Variants in FAT4 observed in about 807,000 individuals in gnomAD.
The protein encoded by FAT4 is FAT atypical cadherin 4.
FAT4 carries 84 observed loss-of-function variants against 303.9 expected under a neutral mutation model. The ratio of observed to expected loss-of-function variants is 0.28; its 90% CI spans 0.23 to 0.33. The LOEUF is 0.33. Ranked by LOEUF, FAT4 falls within the 10% of genes least tolerant of loss-of-function variation. FAT4 has a pLI of 1.00. For missense variants in FAT4, 6,005 were observed against 6,146.8 expected, an observed-to-expected ratio of 0.98 and a Z score of 0.77; for synonymous variants, 2,307 against 2,298.8, an observed-to-expected ratio of 1.00 and a Z score of -0.10.
intron 4 of FAT4, among the ~76,000 whole-genome samples, chr4:125,407,737 T>C (rs1014906337): frequency 2.0e-5 from 3 of 152,142 alleles, no homozygotes; most frequent in African/African-American, 7.2e-5. Context: ...TTTGAACATA[T>C]TATATTGTGA....
chr4:125,372,917 C>G (rs1188899074), intron 2 of FAT4, among the ~76,000 whole-genome samples: 1 of 152,138 alleles, frequency 6.6e-6, no homozygotes, highest in Non-Finnish European at 1.5e-5. Context: ...TACTAACAGT[C>G]TATGCTCTCA....
chr4:125,429,607 A>G (rs992830435), intron 7 of FAT4, among the ~76,000 whole-genome samples: 5 of 152,208 alleles, frequency 3.3e-5, no homozygotes, highest in African/African-American at 1.2e-4. Context: ...TACTTTATGG[A>G]ATCTGTGCAT....
intron 11 of FAT4, among the ~76,000 whole-genome samples, chr4:125,464,719 C>G (rs1158033252): frequency 6.6e-6 from 1 of 151,984 alleles, no homozygotes; most frequent in Non-Finnish European, 1.5e-5. Flanking sequence ...TTCCTGTGTC[C>G]AAGTGTTCTC....
At chr4:125,455,635 TA>T (rs1726252518) in intron 10 of FAT4, among the ~76,000 whole-genome samples, 1 of 152,232 alleles carries the variant, frequency 6.6e-6, no homozygotes, top group African/African-American at 2.4e-5. Context: ...GTGTTCTAAC[TA>T]GTTTTTTACT....
At chr4:125,336,278 G>A (rs1443406479) in intron 2 of FAT4, among the ~76,000 whole-genome samples, 1 of 151,934 alleles carries the variant, frequency 6.6e-6, no homozygotes, top group Non-Finnish European at 1.5e-5. Flanking sequence ...AGCTAACAAA[G>A]GGAAGCAGAT....
At chr4:125,460,688 A>C (rs1383185971) in intron 10 of FAT4, among the ~76,000 whole-genome samples, 1 of 152,052 alleles carries the variant, frequency 6.6e-6, no homozygotes, top group South Asian at 2.1e-4. Flanking sequence ...TCTGTCATTT[A>C]TCAGCATTTA....
At chr4:125,351,275 A>G (rs1481950326) in intron 2 of FAT4, among the ~76,000 whole-genome samples, 1 of 151,838 alleles carries the variant, frequency 6.6e-6, no homozygotes, top group Non-Finnish European at 1.5e-5. Context: ...ATAAAACAAT[A>G]GAACAATTAC....
In FAT4 at chr4:125,477,279, A is replaced by G. The variant is rs1727061900; in HGVS notation, c.12424A>G (p.Asn4142Asp). The change falls in exon 14 of 18, where the codon AAT (asparagine) becomes GAT (aspartate). Residue 4142 changes from asparagine to aspartate, a missense_variant. Asn to Asp is a conservative substitution (Grantham distance 23). Coordinates refer to ENST00000394329, the MANE Select transcript of FAT4 (RefSeq NM_001291303.3). ...FVGCIMEFAV[N>D]GRPLEPSQAL... ...TGGGTGTATAATGGAGTTTGCAGTC[A>G]ATGGAAGGCCTCTGGAACCCAGCCA... 1.3e-6 allele frequency: 2 copies of G among 1,587,154 alleles called. No homozygotes were observed. Among genetic ancestry groups the G allele is most frequent in the Non-Finnish European group, 1.7e-6 (2 of 1,165,770 alleles).
intron 2 of FAT4, among the ~76,000 whole-genome samples, chr4:125,361,499 A>G (rs1407952543): frequency 1.3e-5 from 2 of 152,094 alleles, no homozygotes; most frequent in Non-Finnish European, 2.9e-5. Flanking sequence ...GCAGGTGGTA[A>G]ATACTGAGAG....
intron 2 of FAT4, among the ~76,000 whole-genome samples, chr4:125,343,820 C>T (rs1280220778): frequency 1.3e-5 from 2 of 152,104 alleles, no homozygotes; most frequent in South Asian, 2.1e-4. Flanking sequence ...CTTAGATTTA[C>T]ATGAATTGTT....
At chr4:125,481,947 T>C (rs775108316) in intron 16 of FAT4, among the ~76,000 whole-genome samples, 4 of 152,222 alleles carry the variant, frequency 2.6e-5, no homozygotes, top group Non-Finnish European at 4.4e-5. Flanking sequence ...TTCTACACAC[T>C]TTTGTGTTGC....
At chr4:125,422,297 T>C (rs1346626576) in intron 7 of FAT4, among the ~76,000 whole-genome samples, 1 of 152,222 alleles carries the variant, frequency 6.6e-6, no homozygotes, top group African/African-American at 2.4e-5. Flanking sequence ...GCTAATTTAA[T>C]GCACTTTATA....
At chr4:125,434,511 A>G in intron 8 of FAT4, 86 bp downstream of exon 8, 1 of 1,171,726 alleles carries the variant, frequency 8.5e-7, no homozygotes, top group Non-Finnish European at 1.3e-6. Context: ...TTTAATTTAA[A>G]TGAACGTCAT....
chr4:125,431,877 G>A (rs1001045509), intron 7 of FAT4, among the ~76,000 whole-genome samples: 1 of 151,740 alleles, frequency 6.6e-6, no homozygotes, highest in Non-Finnish European at 1.5e-5. Context: ...TGCAACTGGT[G>A]GGAATTCTAC....
rs994694522 is a variant in FAT4, at chr4:125,434,517, G to C, written c.7199+92G>C. The C allele has an allele frequency of 3.5e-6, 4 of 1,129,274 alleles. No homozygotes were observed. The African/African-American group carries it at 4.7e-5, about 13-fold the overall frequency. The allele number at this position is 1,129,274 out of a possible 1,614,324, so 70.0% of individuals were successfully genotyped here. A position where few individuals can be genotyped will look rare whatever the true frequency, so the allele number is the denominator to read the frequency against. ...AATATAATGTTTAATTTAAATGAAC[G>C]TCATATTAACACATATCCTCTTCTT... is the stretch of plus-strand genomic sequence containing the variant. On this transcript the variant is annotated intron_variant, in intron 8 of 17. Transcript: ENST00000394329.
intron 2 of FAT4, among the ~76,000 whole-genome samples, chr4:125,354,075 A>G (rs1732335285): frequency 6.6e-6 from 1 of 151,732 alleles, no homozygotes; most frequent in African/African-American, 2.4e-5. Context: ...TAAAAGTTGA[A>G]GTCTATGTAT....
At chr4:125,357,214 G>C (rs1732465278) in intron 2 of FAT4, among the ~76,000 whole-genome samples, 1 of 152,058 alleles carries the variant, frequency 6.6e-6, no homozygotes, top group African/African-American at 2.4e-5. Context: ...AAACCTTTTA[G>C]GGAGTTATGA....
chr4:125,417,394 A>C (rs1355159), intron 7 of FAT4, among the ~76,000 whole-genome samples: 151,186 of 152,230 alleles, frequency 0.99, 75,079 homozygotes, highest in Middle Eastern at 1. Context: ...GCTCAAGAAC[A>C]AAGTCCTGGT....
intron 7 of FAT4, among the ~76,000 whole-genome samples, chr4:125,426,567 T>C (rs1436717383): frequency 1.3e-5 from 2 of 152,190 alleles, no homozygotes; most frequent in East Asian, 3.9e-4. Context: ...ATCATTTATT[T>C]AAATAGCATT....
Sources: allele counts gnomAD v4.1 joint callset (sites outside exome capture counted in the v4.1 genomes callset), GRCh38; gene constraint gnomAD v4.1.1; transcripts MANE v1.5; gene names NCBI Gene and HGNC (gene_info 2026-07-23, HGNC 2026-07-21).